Variants in NFX1 observed in about 807,000 individuals in gnomAD.
The protein encoded by NFX1 is nuclear transcription factor, X-box binding 1, also known as transcriptional repressor NF-X1.
Under a neutral mutation model 137.2 loss-of-function variants are expected in NFX1, and 69 were observed. The observed-to-expected ratio is 0.50, with a 90% CI of 0.41 to 0.61. NFX1 has a LOEUF of 0.61. NFX1 is among the 20% of genes least tolerant of loss of function. NFX1 has a pLI of 0.00. For missense variants in NFX1, 1,167 were observed against 1,391.0 expected, an observed-to-expected ratio of 0.84 and a Z score of 2.56; for synonymous variants, 495 against 474.1, an observed-to-expected ratio of 1.04 and a Z score of -0.57.
At chr9:33,355,082 A>G (rs1240283489) in intron 19 of NFX1, among the ~76,000 whole-genome samples, 190 bp downstream of exon 19, 1 of 152,236 alleles carries the variant, frequency 6.6e-6, no homozygotes, top group Admixed American at 6.5e-5. Flanking sequence ...TGATTTCAGC[A>G]TATTGAGAAA....
In NFX1 at chr9:33,351,654, T is replaced by G; in HGVS notation, c.2519T>G (p.Leu840Arg). 6.2e-7 allele frequency: 1 copy of G among 1,614,196 alleles called. No homozygotes were observed. Among genetic ancestry groups the G allele is most frequent in the East Asian group, 2.2e-5 (1 of 44,892 alleles). Residue 840 changes from leucine to arginine, a missense_variant, in exon 16 of 24, where the codon CTC becomes CGC. Transcript: ENST00000379540. ...TGTGGGATGCACAAATGTCAGAGAC[T>G]CTGTCACAAAGGGGAGTGTCTTGTG... ...LPCGMHKCQR[L>R]CHKGECLVDE... is the part of the protein sequence containing the mutation.
chr9:33,369,973 G>A lies in NFX1; in HGVS notation c.3358G>A (p.Asp1120Asn), dbSNP rs1358704569. ...EPIIDYFDVQD is the reference protein window; with the variant it reads ...EPIIDYFDVQN ...AATAATTGACTATTTTGACGTCCAG[G>A]ACTAAGAAGATCATGATGCACTTAG... The change falls in exon 24 of 24, where the codon GAC (aspartate) becomes AAC (asparagine). Residue 1120 changes from aspartate to asparagine, a missense_variant. Physicochemically the swap from Asp to Asn is conservative, Grantham distance 23 (BLOSUM62 1). Transcript: ENST00000379540. 5 of 1,610,402 alleles carry A rather than the reference G, an allele frequency of 3.1e-6. No homozygotes were observed. The highest frequency in any genetic ancestry group is 4.2e-6 in the Non-Finnish European group (5 of 1,177,000).
chr9:33,303,134 A>T, intron 3 of NFX1, 57 bp from the exon 4 acceptor site: 1 of 1,391,536 alleles, frequency 7.2e-7, no homozygotes, highest in Non-Finnish European at 1.0e-6. Context: ...AATTTTTTTA[A>T]TTACATGTAG....
chr9:33,319,986 G>A (rs2118397125), intron 9 of NFX1, among the ~76,000 whole-genome samples: 1 of 148,210 alleles, frequency 6.7e-6, no homozygotes, highest in Admixed American at 6.7e-5. Context: ...TTTTGAGACA[G>A]AGTCTCGCTC....
intron 2 of NFX1, 106 bp downstream of exon 2, chr9:33,295,533 C>T (rs1821324281): frequency 7.9e-7 from 1 of 1,272,276 alleles, no homozygotes; most frequent in South Asian, 1.6e-5. Flanking sequence ...GAAAGTTACA[C>T]TGTAAAAAGT....
intron 4 of NFX1, 125 bp downstream of exon 4, chr9:33,303,393 A>C (rs1821643110): frequency 1.3e-6 from 1 of 762,528 alleles, no homozygotes; most frequent in East Asian, 2.6e-5. Flanking sequence ...AGGAGTCTAT[A>C]AGACTGTAAT....
intron 9 of NFX1, among the ~76,000 whole-genome samples, chr9:33,324,093 C>G (rs1446261812): frequency 6.6e-6 from 1 of 151,938 alleles, no homozygotes; most frequent in Non-Finnish European, 1.5e-5. Flanking sequence ...ATTTTAAAAA[C>G]TTAGGCCAGG....
intron 7 of NFX1, among the ~76,000 whole-genome samples, chr9:33,316,519 T>A (rs2118363953): frequency 6.6e-6 from 1 of 152,306 alleles, no homozygotes; most frequent in Middle Eastern, 3.4e-3. Flanking sequence ...CTCTTCCTCC[T>A]TGTTTCTGTT....
At chr9:33,320,351 C>A (rs932898802) in intron 9 of NFX1, among the ~76,000 whole-genome samples, 5 of 152,196 alleles carry the variant, frequency 3.3e-5, no homozygotes, top group Non-Finnish European at 7.3e-5. Context: ...GACCCAGAGT[C>A]ATCATTTTTA....
chr9:33,347,084 C>T lies in NFX1; in HGVS notation c.2391C>T (p.Phe797=). Residue 797 remains phenylalanine, a synonymous_variant, in exon 15 of 24, where the codon TTC becomes TTT. Coordinates refer to ENST00000379540, the MANE Select transcript of NFX1 (RefSeq NM_002504.6). ...HSEEKCPPCT[F]LTQKWCMGKH... is the part of the protein sequence containing the mutation. ...AGGAGAAGTGTCCCCCTTGCACTTT[C>T]CTAACTCAGAAGTGGTGCATGGGCA... The T allele has an allele frequency of 1.2e-6, 2 of 1,613,532 alleles. No homozygotes were observed. The highest frequency in any genetic ancestry group is 1.7e-6 in the Non-Finnish European group (2 of 1,179,548).
At chr9:33,362,887 A>G (rs925731449) in intron 19 of NFX1, among the ~76,000 whole-genome samples, 1 of 151,836 alleles carries the variant, frequency 6.6e-6, no homozygotes, top group Non-Finnish European at 1.5e-5. Context: ...TGTTTTTAGT[A>G]GAGACGAGGT....
At chr9:33,319,558 C>G (rs955427515) in intron 9 of NFX1, among the ~76,000 whole-genome samples, 1 of 151,870 alleles carries the variant, frequency 6.6e-6, no homozygotes, top group African/African-American at 2.4e-5. Flanking sequence ...CGCCCCAGCT[C>G]GAGTGCAGTG....
At chr9:33,344,524 T>C (rs1341444516) in intron 14 of NFX1, among the ~76,000 whole-genome samples, 3 of 152,216 alleles carry the variant, frequency 2.0e-5, no homozygotes, top group Non-Finnish European at 4.4e-5. Context: ...AAAAGTGACT[T>C]TTTTGTTGTT....
At chr9:33,346,755 C>T (rs143874131) in intron 14 of NFX1, among the ~76,000 whole-genome samples, 73 of 152,284 alleles carry the variant, frequency 4.8e-4, no homozygotes, top group African/African-American at 1.6e-3. Context: ...TTGGATGGAC[C>T]ATATGGCTGT....
At chr9:33,322,519 A>G (rs1318671607) in intron 9 of NFX1, among the ~76,000 whole-genome samples, 7 of 152,172 alleles carry the variant, frequency 4.6e-5, no homozygotes, top group African/African-American at 1.7e-4. Context: ...TGGTGAGTGC[A>G]GCTGAGCAGT....
At position 33,370,335 on chromosome 9, in the gene NFX1, C is replaced by T. The variant is rs1007871245; in HGVS notation, c.*357C>T. The T allele has an allele frequency of 5.8e-6, 1 of 172,998 alleles. No homozygotes were observed. The highest frequency in any genetic ancestry group is 2.4e-5 in the African/African-American group (1 of 42,216). The allele number at this position is 172,998 out of a possible 1,614,324, so 10.7% of individuals were successfully genotyped here. ...CAACTTTATGCCACTAAGTCATAGC[C>T]TCAGTTGTCCCAGTTATTTGTCCTC... On this transcript the variant is annotated 3_prime_UTR_variant, in exon 24 of 24. Transcript: ENST00000379540.
intron 10 of NFX1, among the ~76,000 whole-genome samples, chr9:33,330,993 C>T (rs938984899): frequency 6.6e-6 from 1 of 151,894 alleles, no homozygotes; most frequent in African/African-American, 2.4e-5. Flanking sequence ...GGTGAAACCC[C>T]GTCTCTACTA....
At chr9:33,350,398 A>G (rs988625463) in intron 15 of NFX1, among the ~76,000 whole-genome samples, 4 of 151,992 alleles carry the variant, frequency 2.6e-5, no homozygotes, top group Admixed American at 6.5e-5. Context: ...CCCCGCATCT[A>G]TAAGAATTAG....
chr9:33,364,471 T>C (rs1441343552), intron 20 of NFX1, among the ~76,000 whole-genome samples: 1 of 152,192 alleles, frequency 6.6e-6, no homozygotes, highest in African/African-American at 2.4e-5. Flanking sequence ...ACAGCTCTTA[T>C]TTTTCTCCTG....
Sources: allele counts gnomAD v4.1 joint callset (sites outside exome capture counted in the v4.1 genomes callset), GRCh38; gene constraint gnomAD v4.1.1; transcripts MANE v1.5; gene names NCBI Gene and HGNC (gene_info 2026-07-23, HGNC 2026-07-21).